The following DNAH2 variants were observed in gnomAD, a reference collection of about 807,000 sequenced individuals.
DNAH2 encodes axonemal beta dynein heavy chain 2.
In DNAH2, 323 loss-of-function variants were observed where a neutral mutation model predicts 523.5. The observed-to-expected ratio is 0.62, with a 90% CI of 0.56 to 0.68. The LOEUF (loss-of-function observed/expected upper bound fraction) is 0.68, where lower values mean the gene tolerates loss of function less well. Ranked by LOEUF, DNAH2 falls within the 30% of genes least tolerant of loss-of-function variation. The pLI is 0.00. For missense variants in DNAH2, 4,907 were observed against 5,701.5 expected (o/e 0.86, Z 4.49); for synonymous variants, 2,093 against 2,177.4 (o/e 0.96, Z 1.08).
rs1357706576 is a variant in DNAH2 at position 7,812,885 on chromosome 17, G to A, written c.9730-3686G>A. On this transcript the variant is annotated intron_variant, in intron 63 of 85. Transcript: ENST00000572933. ...TTGAACCCGGGAGGCGGGGTTTGCAGTGAGCTGAGAAGCTGAGACTGAATG... is the reference window on the plus strand; with the variant it reads ...TTGAACCCGGGAGGCGGGGTTTGCAATGAGCTGAGAAGCTGAGACTGAATG... Among the ~76,000 whole-genome samples the A allele has an allele frequency of 2.0e-5, 3 of 150,882 alleles. No individual in the cohort carries two copies. The East Asian group carries it at 5.8e-4, about 29-fold the overall frequency.
chr17:7,808,412 C>A (rs2077426489), intron 63 of DNAH2, among the ~76,000 whole-genome samples: 1 of 151,290 alleles, frequency 6.6e-6, no homozygotes, highest in African/African-American at 2.4e-5. Flanking sequence ...ACTCCTGAAC[C>A]AGGCAGAATG....
chr17:7,823,831 C>T lies in DNAH2; in HGVS notation c.11330-3C>T. 1 of 1,613,924 alleles carries T rather than the reference C, an allele frequency of 6.2e-7. No individual in the cohort carries two copies. Among genetic ancestry groups the T allele is most frequent in the Non-Finnish European group, 8.5e-7 (1 of 1,179,876 alleles). On this transcript the variant is annotated splice_region_variant and splice_polypyrimidine_tract_variant and intron_variant, in intron 74 of 85. Coordinates refer to ENST00000572933, the MANE Select transcript of DNAH2 (RefSeq NM_020877.5). The stretch of plus-strand genomic sequence containing the variant: ...TCCCTGCAATGACTCACCTCATCCC[C>T]AGGTGAGTGGGAAAATGCCTGCAAT...
At chr17:7,722,124 G>A (rs561473347) in intron 2 of DNAH2, among the ~76,000 whole-genome samples, 135 of 150,502 alleles carry the variant, frequency 9.0e-4, no homozygotes, top group African/African-American at 3.2e-3. Context: ...TCAGCCTCCC[G>A]AGTAGCTGGA....
chr17:7,761,069 C>T, intron 18 of DNAH2, 137 bp downstream of exon 18: 3 of 1,106,346 alleles, frequency 2.7e-6, no homozygotes, highest in Non-Finnish European at 3.9e-6. Context: ...AAGAACAGGA[C>T]CTAGGACATT....
In DNAH2 at chr17:7,768,146, C is replaced by T; in HGVS notation, c.3838-18C>T. ...AGGGAGGTCGTCGGGTCTTCTCATG[C>T]CCCCAACTTTTGCTCAGGACCGAAA... On this transcript the variant is annotated intron_variant, in intron 23 of 85. Coordinates refer to ENST00000572933, the MANE Select transcript of DNAH2 (RefSeq NM_020877.5). 1 of 1,614,136 alleles carries T rather than the reference C, an allele frequency of 6.2e-7. No individual in the cohort carries two copies. The highest frequency in any genetic ancestry group is 1.1e-5 in the South Asian group (1 of 91,072).
intron 39 of DNAH2, among the ~76,000 whole-genome samples, chr17:7,785,648 A>G (rs2076713617): frequency 1.3e-5 from 2 of 152,176 alleles, no homozygotes; most frequent in African/African-American, 4.8e-5. Context: ...ATGGTTCTTC[A>G]AGCATTACTT....
chr17:7,736,549 C>A, intron 7 of DNAH2, among the ~76,000 whole-genome samples: 1 of 152,148 alleles, frequency 6.6e-6, no homozygotes, highest in Non-Finnish European at 1.5e-5. Flanking sequence ...AGCTAGGGCA[C>A]ACACATGAGA....
intron 56 of DNAH2, 82 bp downstream of exon 56, chr17:7,799,324 A>G: frequency 6.4e-7 from 1 of 1,559,858 alleles, no homozygotes; most frequent in Non-Finnish European, 8.7e-7. Context: ...TCTGGAAATT[A>G]GTGTCAGGAA....
In DNAH2 at chr17:7,807,728, T is replaced by C; in HGVS notation, c.9729+142T>C. ...TTCCAGTCCTGTCTCCTTCCCACTC[T>C]GTGCCCTGTTTAGACTGGGCTGCCT... On this transcript the variant is annotated intron_variant, in intron 63 of 85. Coordinates refer to ENST00000572933, the MANE Select transcript of DNAH2 (RefSeq NM_020877.5). The surrounding 1 kb of genome is among the most constrained non-coding windows in gnomAD (Gnocchi z 5.6). 1.3e-6 allele frequency: 1 copy of C among 747,566 alleles called. No individual in the cohort carries two copies. Among genetic ancestry groups the C allele is most frequent in the Non-Finnish European group, 2.2e-6 (1 of 453,232 alleles). 46.3% of individuals were successfully genotyped at this position (747,566 alleles called of 1,614,324 possible).
chr17:7,831,565 G>A lies in DNAH2; in HGVS notation c.12611+24G>A. ...CTGTAAGACAGAGGGGGACTCTGCG[G>A]AACAGGGGAGGGTGTGAGGAGAAGC... On this transcript the variant is annotated intron_variant, in intron 81 of 85. Coordinates refer to ENST00000572933, the MANE Select transcript of DNAH2 (RefSeq NM_020877.5). The surrounding 1 kb of genome is among the most constrained non-coding windows in gnomAD (Gnocchi z 4.2). 1 of 1,614,060 alleles carries A rather than the reference G, an allele frequency of 6.2e-7. No individual in the cohort carries two copies. The highest frequency in any genetic ancestry group is 1.1e-5 in the South Asian group (1 of 91,062).
At chr17:7,733,422 T>A (rs2075047693) in intron 5 of DNAH2, 107 bp downstream of exon 5, 4 of 998,940 alleles carry the variant, frequency 4.0e-6, no homozygotes, top group Non-Finnish European at 5.9e-6. Flanking sequence ...GGAGGAAGTA[T>A]TCAGCATGCT....
At chr17:7,788,514 C>T (rs777179481) in intron 44 of DNAH2, among the ~76,000 whole-genome samples, 2 of 152,180 alleles carry the variant, frequency 1.3e-5, no homozygotes, top group Non-Finnish European at 2.9e-5. Context: ...ATTTCCCACC[C>T]ATGCTTTGGG....
At chr17:7,817,222 A>C in intron 64 of DNAH2, 68 bp from the exon 65 acceptor site, 7 of 1,546,382 alleles carry the variant, frequency 4.5e-6, no homozygotes, top group Non-Finnish European at 6.1e-6. Flanking sequence ...GGGTGCCTTC[A>C]AAAGCATTCC....
At chr17:7,806,867 G>A (rs888644758) in intron 61 of DNAH2, among the ~76,000 whole-genome samples, 11 of 151,998 alleles carry the variant, frequency 7.2e-5, no homozygotes, top group African/African-American at 1.7e-4. Context: ...AGAAGAAAGT[G>A]CAAAGCAGAG....
At chr17:7,775,872 A>T in intron 30 of DNAH2, 152 bp from the exon 31 acceptor site, 1 of 1,038,262 alleles carries the variant, frequency 9.6e-7, no homozygotes. Flanking sequence ...CCTAGCCTCC[A>T]TTTCTCTCAG....
rs752186283 is a variant in DNAH2 at position 7,833,537 on chromosome 17, C to A, written c.*4C>A. On this transcript the variant is annotated 3_prime_UTR_variant, in exon 86 of 86. Transcript: ENST00000572933. ...ACTCATGAGCCTGGACAGCTGAGAC[C>A]TCCTCCTCTTCTCCGCTTGAGAGAG... 6.2e-7 allele frequency: 1 copy of A among 1,613,244 alleles called. No homozygotes were observed. Among genetic ancestry groups the A allele is most frequent in the South Asian group, 1.1e-5 (1 of 91,086 alleles).
intron 44 of DNAH2, among the ~76,000 whole-genome samples, chr17:7,789,433 A>G (rs1157292831): frequency 6.6e-6 from 1 of 151,484 alleles, no homozygotes; most frequent in African/African-American, 2.4e-5. Flanking sequence ...CGTGGCAGAG[A>G]CCCTGAGGAG....
intron 63 of DNAH2, among the ~76,000 whole-genome samples, chr17:7,810,432 A>G (rs992947761): frequency 1.3e-5 from 2 of 152,106 alleles, no homozygotes; most frequent in African/African-American, 4.8e-5. Flanking sequence ...TCTATCACCC[A>G]GGCTGGAGCA....
intron 12 of DNAH2, among the ~76,000 whole-genome samples, chr17:7,747,474 C>T (rs1488529856): frequency 1.3e-5 from 2 of 152,162 alleles, no homozygotes; most frequent in African/African-American, 2.4e-5. Flanking sequence ...TGGTGGATTT[C>T]AACTGTGATT....
Sources: allele counts gnomAD v4.1 joint callset (sites outside exome capture counted in the v4.1 genomes callset), GRCh38; gene constraint gnomAD v4.1.1; non-coding constraint Gnocchi (gnomAD v3.1); transcripts MANE v1.5; gene names NCBI Gene and HGNC (gene_info 2026-07-23, HGNC 2026-07-21).